Variants in KCNH7 observed in about 807,000 individuals in gnomAD.
The protein encoded by KCNH7 is voltage-gated inwardly rectifying potassium channel KCNH7.
Under a neutral mutation model 120.8 loss-of-function variants are expected in KCNH7, and 49 were observed. The observed-to-expected ratio is 0.41, with a 90% confidence interval of 0.32 to 0.51. The LOEUF (loss-of-function observed/expected upper bound fraction) is 0.51, where lower values mean the gene tolerates loss of function less well. Ranked by LOEUF, KCNH7 falls within the 20% of genes least tolerant of loss-of-function variation. KCNH7 has a pLI of 0.38. For synonymous variants in KCNH7, 547 were observed against 516.1 expected (o/e 1.06, Z -0.81); for missense variants, 1,097 against 1,446.6 (o/e 0.76, Z 3.92).
intron 2 of KCNH7, among the ~76,000 whole-genome samples, chr2:162,667,818 G>A (rs950404928): frequency 4.6e-5 from 7 of 152,078 alleles, no homozygotes; most frequent in African/African-American, 1.7e-4. Context: ...TGTGTTTGTT[G>A]TTTTATTTCC....
At chr2:162,439,770 T>C (rs1374026735) in intron 7 of KCNH7, among the ~76,000 whole-genome samples, 3 of 151,964 alleles carry the variant, frequency 2.0e-5, no homozygotes, top group African/African-American at 7.2e-5. Context: ...CCTTCTTATA[T>C]TGAGGTAGAA....
In KCNH7 at chr2:162,372,254, G is replaced by A. The variant is rs1406134395; in HGVS notation, c.3325-159C>T. Among the ~76,000 whole-genome samples the A allele has an allele frequency of 3.3e-5, 5 of 152,052 alleles. 1 individual carries two copies. Among genetic ancestry groups the A allele is most frequent in the East Asian group, 1.9e-4 (1 of 5,182 alleles). Reference sequence around the variant, plus strand: ...CCCTCCTAAAATGAGTCAGGACGTCGGAGATTGGTTATCAGTACAGATAAT... The same window carrying A: ...CCCTCCTAAAATGAGTCAGGACGTCAGAGATTGGTTATCAGTACAGATAAT... On this transcript the variant is annotated intron_variant, in intron 15 of 15. Coordinates refer to ENST00000332142, the MANE Select transcript of KCNH7 (RefSeq NM_033272.4).
intron 2 of KCNH7, among the ~76,000 whole-genome samples, chr2:162,811,829 T>A (rs1261073337): frequency 6.6e-6 from 1 of 152,062 alleles, no homozygotes; most frequent in African/African-American, 2.4e-5. Flanking sequence ...ACTCAGAAAC[T>A]AGCACTGCAT....
chr2:162,731,573 G>T (rs114617041), intron 2 of KCNH7, among the ~76,000 whole-genome samples: 53 of 151,676 alleles, frequency 3.5e-4, no homozygotes, highest in African/African-American at 1.2e-3. Flanking sequence ...AGAAAGTAGA[G>T]CTATTTTATA....
intron 6 of KCNH7, among the ~76,000 whole-genome samples, 181 bp downstream of exon 6, chr2:162,504,262 T>C (rs1295089192): frequency 6.6e-6 from 1 of 152,034 alleles, no homozygotes; most frequent in Middle Eastern, 3.2e-3. Flanking sequence ...TATAAAATCA[T>C]AGTATACAGC....
intron 3 of KCNH7, among the ~76,000 whole-genome samples, chr2:162,531,073 CT>C (rs1275621858): frequency 2.6e-5 from 4 of 151,876 alleles, no homozygotes; most frequent in Non-Finnish European, 5.9e-5. Flanking sequence ...CATATTTTTA[CT>C]CTGTCCAACG....
intron 2 of KCNH7, among the ~76,000 whole-genome samples, chr2:162,631,446 G>C (rs1178388545): frequency 1.3e-5 from 2 of 151,990 alleles, no homozygotes; most frequent in Non-Finnish European, 2.9e-5. Context: ...TATCTGAACT[G>C]TTTCTTATCA....
intron 2 of KCNH7, among the ~76,000 whole-genome samples, chr2:162,625,404 A>T (rs1683517083): frequency 1.3e-5 from 2 of 152,170 alleles, no homozygotes. Flanking sequence ...CCAGTATGTG[A>T]TCAGTCTTCA....
intron 6 of KCNH7, among the ~76,000 whole-genome samples, chr2:162,474,870 C>A (rs1176711910): frequency 6.6e-6 from 1 of 152,144 alleles, no homozygotes; most frequent in African/African-American, 2.4e-5. Flanking sequence ...CTCTCACACT[C>A]TCTCTTAGGC....
At chr2:162,577,160 T>A (rs1693697824) in intron 2 of KCNH7, among the ~76,000 whole-genome samples, 1 of 151,906 alleles carries the variant, frequency 6.6e-6, no homozygotes, top group Non-Finnish European at 1.5e-5. Flanking sequence ...CCTCAAGTAA[T>A]CCTCCTGCAT....
At chr2:162,514,189 C>G (rs59046001) in intron 4 of KCNH7, among the ~76,000 whole-genome samples, 1 of 151,688 alleles carries the variant, frequency 6.6e-6, no homozygotes, top group Non-Finnish European at 1.5e-5. Flanking sequence ...TATTGAATTG[C>G]TCGTAGACAT....
intron 2 of KCNH7, among the ~76,000 whole-genome samples, chr2:162,801,496 T>A (rs1684349512): frequency 1.3e-5 from 2 of 151,766 alleles, no homozygotes; most frequent in Non-Finnish European, 3.0e-5. Flanking sequence ...TTACTAAGAA[T>A]GTCATATCTA....
intron 2 of KCNH7, among the ~76,000 whole-genome samples, chr2:162,563,266 T>C (rs1242363478): frequency 2.0e-5 from 3 of 152,142 alleles, no homozygotes; most frequent in African/African-American, 7.3e-5. Context: ...TGAAATCATA[T>C]AATGGCTTAT....
chr2:162,778,946 C>CTTTTTTTTTTTTTTTTTTTTTT (rs200107249), intron 2 of KCNH7, among the ~76,000 whole-genome samples: 1 of 136,492 alleles, frequency 7.3e-6, no homozygotes, highest in Non-Finnish European at 1.6e-5. Context: ...GGAACAAATT[C>CTTTTTTTTTTTTTTTTTTTTTT]TTTTTTTTTT....
At chr2:162,590,301 G>A (rs1270258254) in intron 2 of KCNH7, among the ~76,000 whole-genome samples, 1 of 152,102 alleles carries the variant, frequency 6.6e-6, no homozygotes, top group African/African-American at 2.4e-5. Context: ...ATCTGAGTGG[G>A]AGGAGAGCCG....
intron 6 of KCNH7, among the ~76,000 whole-genome samples, chr2:162,480,563 A>G (rs879378439): frequency 2.6e-5 from 4 of 152,336 alleles, no homozygotes; most frequent in Non-Finnish European, 5.9e-5. Context: ...AATATATCCC[A>G]GTGAGAACAA....
chr2:162,699,580 T>G (rs1574280998), intron 2 of KCNH7, among the ~76,000 whole-genome samples: 1 of 152,200 alleles, frequency 6.6e-6, no homozygotes, highest in African/African-American at 2.4e-5. Context: ...AATGGGTTCT[T>G]TACTTCATAT....
chr2:162,512,159 T>G (rs1243655349), intron 5 of KCNH7, among the ~76,000 whole-genome samples: 4 of 151,764 alleles, frequency 2.6e-5, no homozygotes, highest in African/African-American at 9.7e-5. Flanking sequence ...ACAACTGTCA[T>G]GCATATATAG....
chr2:162,631,177 A>T (rs778959297), intron 2 of KCNH7, among the ~76,000 whole-genome samples: 4 of 152,038 alleles, frequency 2.6e-5, no homozygotes, highest in Non-Finnish European at 5.9e-5. Flanking sequence ...TGAATTTTGT[A>T]GGCTGCCACT....
Sources: gnomAD v4.1 joint callset for allele counts (sites outside exome capture counted in the v4.1 genomes callset) on GRCh38, gnomAD v4.1.1 for gene constraint, MANE v1.5 for transcripts, NCBI Gene and HGNC (gene_info 2026-07-23, HGNC 2026-07-21) for gene names.